Variants in ZNF287 observed in about 807,000 individuals in gnomAD.
The protein encoded by ZNF287 is zinc finger protein with KRAB and SCAN domains 13.
A neutral mutation model predicts 73.7 loss-of-function variants in ZNF287; 31 were observed. That is an observed-to-expected ratio of 0.42 (90% confidence interval 0.32 to 0.57). ZNF287 has a LOEUF of 0.57. Ranked by LOEUF, ZNF287 falls within the 20% of genes least tolerant of loss-of-function variation. The probability of loss-of-function intolerance (pLI) is 0.13; values close to 1 mark genes in which losing one functional copy is unlikely to be tolerated. For synonymous variants in ZNF287, 301 were observed against 307.2 expected (o/e 0.98, Z 0.21); for missense variants, 641 against 909.3 (o/e 0.70, Z 3.79).
At chr17:16,557,082 G>C (rs1268739464) in intron 5 of ZNF287, among the ~76,000 whole-genome samples, 12 of 152,096 alleles carry the variant, frequency 7.9e-5, no homozygotes. Flanking sequence ...CCTGACCTCA[G>C]GTGATCGCCC....
Position 16,547,537 on chromosome 17 carries a change from T to C in ZNF287, c.*4319A>G, listed in dbSNP as rs77275892. On this transcript the variant is annotated 3_prime_UTR_variant, in exon 6 of 6. Transcript: ENST00000395825. Reference sequence around the variant, plus strand: ...AAAGTTTATCCCAGTTATGTAATTATATCCCTCATTACACAGATATTAGGT... The same window carrying C: ...AAAGTTTATCCCAGTTATGTAATTACATCCCTCATTACACAGATATTAGGT... Among the ~76,000 whole-genome samples, 2,191 of 152,330 alleles carry C rather than the reference T, an allele frequency of 0.014. 28 individuals are homozygous for C. Among genetic ancestry groups the C allele is most frequent in the African/African-American group, 0.02 (813 of 41,574 alleles).
Position 16,548,657 on chromosome 17 carries a change from G to C in ZNF287, c.*3199C>G, listed in dbSNP as rs1055582304. 6.6e-6 allele frequency among the ~76,000 whole-genome samples: 1 copy of C among 152,018 alleles called. No homozygotes were observed. Among genetic ancestry groups the C allele is most frequent in the Non-Finnish European group, 1.5e-5 (1 of 67,996 alleles). ...CTAAAAAAATACAAAGAAATTAGCC[G>C]GGCGTGGTGGCGGGTGTCTGTAGTC... On this transcript the variant is annotated 3_prime_UTR_variant, in exon 6 of 6. Coordinates refer to ENST00000395825, the MANE Select transcript of ZNF287 (RefSeq NM_020653.4).
chr17:16,563,276 G>C, intron 4 of ZNF287, 44 bp from the exon 5 acceptor site: 1 of 1,440,030 alleles, frequency 6.9e-7, no homozygotes, highest in Non-Finnish European at 9.6e-7. Flanking sequence ...GAGATAAATG[G>C]TTGCTCAAAG....
intron 2 of ZNF287, 147 bp from the exon 3 acceptor site, chr17:16,566,769 A>G (rs754783134): frequency 1.8e-6 from 1 of 542,314 alleles, no homozygotes; most frequent in Non-Finnish European, 3.2e-6. Context: ...CATCAGAGGA[A>G]AGGGCCAATG....
At chr17:16,559,878 C>A (rs1413096846) in intron 5 of ZNF287, among the ~76,000 whole-genome samples, 1 of 151,956 alleles carries the variant, frequency 6.6e-6, no homozygotes, top group African/African-American at 2.4e-5. Flanking sequence ...AATTGAGCAT[C>A]AAAAACACAA....
chr17:16,567,857 C>T lies in ZNF287; in HGVS notation c.-126G>A. The T allele has an allele frequency of 1.4e-6, 2 of 1,465,336 alleles. No individual in the cohort carries two copies. Among genetic ancestry groups the T allele is most frequent in the Non-Finnish European group, 1.8e-6 (2 of 1,115,040 alleles). 90.8% of individuals were successfully genotyped at this position (1,465,336 alleles called of 1,614,324 possible). On this transcript the variant is annotated 5_prime_UTR_variant, in exon 2 of 6. Transcript: ENST00000395825. Reference sequence around the variant, plus strand: ...AAGGCTGCTGCAGCCGAGGGCAGAACAGAATCAAGGTAGAGTTAGCAGCCT... The same window carrying T: ...AAGGCTGCTGCAGCCGAGGGCAGAATAGAATCAAGGTAGAGTTAGCAGCCT...
chr17:16,554,488 ACTT>A (rs1906911172), intron 5 of ZNF287, among the ~76,000 whole-genome samples: 1 of 152,154 alleles, frequency 6.6e-6, no homozygotes, highest in Non-Finnish European at 1.5e-5. Flanking sequence ...GTTATCCACT[ACTT>A]CTTCATAATC....
intron 3 of ZNF287, among the ~76,000 whole-genome samples, chr17:16,565,546 GT>G (rs1333635318): frequency 6.6e-6 from 1 of 151,554 alleles, no homozygotes; most frequent in African/African-American, 2.4e-5. Flanking sequence ...CCTTGATTTT[GT>G]TAGGCTTTCC....
intron 5 of ZNF287, among the ~76,000 whole-genome samples, chr17:16,557,683 T>C (rs938412132): frequency 1.3e-5 from 2 of 152,122 alleles, no homozygotes; most frequent in African/African-American, 4.8e-5. Context: ...TCCTCAATCA[T>C]GTTTGATGAC....
Position 16,549,896 on chromosome 17 carries a change from AT to A in ZNF287, c.*1959del, listed in dbSNP as rs1200176724. ...ATTTCTTTGATATATGCACAAAAAT[AT>A]TTTTCGTTATACCAATTTTCACTCC... On this transcript the variant is annotated 3_prime_UTR_variant, in exon 6 of 6. Transcript: ENST00000395825. Among the ~76,000 whole-genome samples the A allele has an allele frequency of 2.6e-5, 4 of 152,168 alleles. No homozygotes were observed. The highest frequency in any genetic ancestry group is 5.9e-5 in the Non-Finnish European group (4 of 68,014).
chr17:16,565,587 T>C (rs1907697886), intron 3 of ZNF287, among the ~76,000 whole-genome samples: 1 of 152,170 alleles, frequency 6.6e-6, no homozygotes, highest in Non-Finnish European at 1.5e-5. Flanking sequence ...CAATGAATAA[T>C]CATTTTAACT....
rs541336094 is a variant in ZNF287 at position 16,553,471 on chromosome 17, A to G, written c.716-45T>C. ...AAAAAATCTTCATTTATTTGGAGAA[A>G]GGAAACTGCCAAAATAGAAACAAAA... On this transcript the variant is annotated intron_variant, in intron 5 of 5. Coordinates refer to ENST00000395825, the MANE Select transcript of ZNF287 (RefSeq NM_020653.4). 8.3e-5 allele frequency: 114 copies of G among 1,368,294 alleles called. No individual in the cohort carries two copies. In the African/African-American group the frequency reaches 1.6e-3, roughly 19 times the overall value. 84.8% of individuals were successfully genotyped at this position (1,368,294 alleles called of 1,614,324 possible). A position where few individuals can be genotyped will look rare whatever the true frequency, so the allele number is the denominator to read the frequency against.
At position 16,548,237 on chromosome 17, in the gene ZNF287, C is replaced by T. The variant is rs1420428524; in HGVS notation, c.*3619G>A. On this transcript the variant is annotated 3_prime_UTR_variant, in exon 6 of 6. Transcript: ENST00000395825. The stretch of plus-strand genomic sequence containing the variant: ...GATTAATTGCAATAGGAAAAACTAC[C>T]TTTATATTGGGAAGATCTGGTGACC... 6.6e-6 allele frequency among the ~76,000 whole-genome samples: 1 copy of T among 152,100 alleles called. No homozygotes were observed. Among genetic ancestry groups the T allele is most frequent in the African/African-American group, 2.4e-5 (1 of 41,398 alleles).
At position 16,567,594 on chromosome 17, in the gene ZNF287, C is replaced by G. The variant is rs760214306; in HGVS notation, c.138G>C (p.Glu46Asp). 2 of 1,614,194 alleles carry G rather than the reference C, an allele frequency of 1.2e-6. No homozygotes were observed. Among genetic ancestry groups the G allele is most frequent in the Middle Eastern group, 3.3e-4 (2 of 6,062 alleles). Reference sequence around the variant, plus strand: ...AATTCCTAAAATTCTGTCGACAGGTCTCAGTGTCACGCAAGAATCTTGAAG... The same window carrying G: ...AATTCCTAAAATTCTGTCGACAGGTGTCAGTGTCACGCAAGAATCTTGAAG... ...ILTSRFLRDT[E>D]TCRQNFRNFP... Residue 46 changes from glutamate to aspartate, a missense_variant, in exon 2 of 6, where the codon GAG (glutamate) becomes GAC (aspartate). Glu to Asp is a conservative substitution (Grantham distance 45). Coordinates refer to ENST00000395825, the MANE Select transcript of ZNF287 (RefSeq NM_020653.4).
In ZNF287 at chr17:16,552,610, T is replaced by G. The variant is rs771217966; in HGVS notation, c.1532A>C (p.Asn511Thr). 2 of 1,614,152 alleles carry G rather than the reference T, an allele frequency of 1.2e-6. No individual in the cohort carries two copies. Among genetic ancestry groups the G allele is most frequent in the Admixed American group, 3.3e-5 (2 of 60,014 alleles). Reference protein sequence around the residue: ...VHTGEKPYICNECGKTFSQST... With the variant: ...VHTGEKPYICTECGKTFSQST... ...CTGACTGAAAGTCTTCCCACATTCA[T>G]TGCATATATAAGGTTTTTCTCCAGT... Residue 511 changes from asparagine to threonine, a missense_variant, in exon 6 of 6, where the codon AAT (asparagine) becomes ACT (threonine). Physicochemically the swap from Asn to Thr is moderately conservative, Grantham distance 65. Coordinates refer to ENST00000395825, the MANE Select transcript of ZNF287 (RefSeq NM_020653.4). This position sits in a 1 kb window ranked among gnomAD's most constrained non-coding sequence, Gnocchi z 6.5.
intron 5 of ZNF287, among the ~76,000 whole-genome samples, chr17:16,557,397 T>A (rs1003230902): frequency 2.6e-5 from 4 of 152,048 alleles, no homozygotes; most frequent in Admixed American, 2.0e-4. Context: ...AAGTACTGTA[T>A]AAAGAACAAT....
At position 16,550,163 on chromosome 17, in the gene ZNF287, C is replaced by G. The variant is rs1197573190; in HGVS notation, c.*1693G>C. On this transcript the variant is annotated 3_prime_UTR_variant, in exon 6 of 6. Transcript: ENST00000395825. ...CTGCCAGTTTTCCTTTTGAGACCCA[C>G]AAACCCAGTTATCATTGTTTAATGA... 2.0e-5 allele frequency among the ~76,000 whole-genome samples: 3 copies of G among 152,176 alleles called. No individual in the cohort carries two copies. Among genetic ancestry groups the G allele is most frequent in the Non-Finnish European group, 4.4e-5 (3 of 68,030 alleles).
Position 16,550,458 on chromosome 17 carries a change from G to C in ZNF287, c.*1398C>G, listed in dbSNP as rs531483860. 6.6e-6 allele frequency among the ~76,000 whole-genome samples: 1 copy of C among 151,832 alleles called. No homozygotes were observed. Among genetic ancestry groups the C allele is most frequent in the Admixed American group, 6.6e-5 (1 of 15,230 alleles). On this transcript the variant is annotated 3_prime_UTR_variant, in exon 6 of 6. Transcript: ENST00000395825. ...TCCACTAAAATTTCACCTTTTCCCC[G>C]ACCCACATTCTGCAGTGAATTCAGA...
chr17:16,557,089 G>A (rs1445046199), intron 5 of ZNF287, among the ~76,000 whole-genome samples: 1 of 151,738 alleles, frequency 6.6e-6, no homozygotes, highest in Non-Finnish European at 1.5e-5. Flanking sequence ...TCAGGTGATC[G>A]CCCGCCTCAG....
Sources: allele counts gnomAD v4.1 joint callset (sites outside exome capture counted in the v4.1 genomes callset), GRCh38; gene constraint gnomAD v4.1.1; non-coding constraint Gnocchi (gnomAD v3.1); transcripts MANE v1.5; gene names NCBI Gene and HGNC (gene_info 2026-07-23, HGNC 2026-07-21).